GRIK4: variants seen among roughly 807,000 people sequenced by gnomAD.
GRIK4 encodes glutamate ionotropic receptor kainate type subunit 4, also known as glutamate receptor ionotropic, kainate 4.
GRIK4 carries 40 observed loss-of-function variants against 104.9 expected under a neutral mutation model. That is an observed-to-expected ratio of 0.38 (90% CI 0.30 to 0.50). The LOEUF is 0.50. Ranked by LOEUF, GRIK4 falls within the 20% of genes least tolerant of loss-of-function variation. GRIK4 has a pLI of 0.93. For missense variants in GRIK4, 1,047 were observed against 1,308.1 expected, an observed-to-expected ratio of 0.80 and a Z score of 3.08; for synonymous variants, 485 against 524.9, an observed-to-expected ratio of 0.92 and a Z score of 1.04.
intron 1 of GRIK4, among the ~76,000 whole-genome samples, chr11:120,636,630 A>G (rs904579351): frequency 1.3e-5 from 2 of 152,138 alleles, no homozygotes; most frequent in South Asian, 2.1e-4. Flanking sequence ...TCATGAGATC[A>G]GGAGGTCGAG....
chr11:120,826,933 C>T (rs992548912), intron 6 of GRIK4, among the ~76,000 whole-genome samples: 24 of 152,160 alleles, frequency 1.6e-4, no homozygotes, highest in African/African-American at 5.3e-4. Flanking sequence ...CCGACAACCG[C>T]ACACCCTGAG....
chr11:120,811,989 A>G (rs536583528), intron 4 of GRIK4, among the ~76,000 whole-genome samples: 11 of 152,132 alleles, frequency 7.2e-5, no homozygotes, highest in African/African-American at 2.4e-4. Context: ...TTGGGGGCAC[A>G]CTCCGATCTA....
Position 120,524,075 on chromosome 11 carries a change from C to T in GRIK4, c.-159+12188C>T, listed in dbSNP as rs576698884. Among the ~76,000 whole-genome samples, 5 of 152,226 alleles carry T rather than the reference C, an allele frequency of 3.3e-5. No homozygotes were observed. The highest frequency in any genetic ancestry group is 1.2e-4 in the African/African-American group (5 of 41,570). ...CCGAGTAGCTGGGACTACAGGCGCA[C>T]ACCACCATGCCTGGCTAATTTTTTG... On this transcript the variant is annotated intron_variant, in intron 1 of 20. Coordinates refer to ENST00000527524, the MANE Select transcript of GRIK4 (RefSeq NM_014619.5). The surrounding 1 kb of genome is among the most constrained non-coding windows in gnomAD (Gnocchi z 4.5).
intron 1 of GRIK4, among the ~76,000 whole-genome samples, chr11:120,647,236 A>T (rs1949556566): frequency 6.6e-6 from 1 of 152,152 alleles, no homozygotes; most frequent in South Asian, 2.1e-4. Context: ...GTTTGTGGGA[A>T]AATGTCTGTG....
intron 18 of GRIK4, among the ~76,000 whole-genome samples, chr11:120,965,696 G>A (rs1944372420): frequency 6.6e-6 from 1 of 152,210 alleles, no homozygotes; most frequent in South Asian, 2.1e-4. Context: ...AGATGTTCTA[G>A]TTCCTTGCCT....
intron 1 of GRIK4, among the ~76,000 whole-genome samples, chr11:120,586,051 A>G (rs558834030): frequency 6.6e-6 from 1 of 152,322 alleles, no homozygotes; most frequent in East Asian, 1.9e-4. Context: ...GACAGAGGTA[A>G]GAGCTGGAGA....
At chr11:120,743,314 A>T (rs913376907) in intron 3 of GRIK4, among the ~76,000 whole-genome samples, 7 of 152,274 alleles carry the variant, frequency 4.6e-5, no homozygotes, top group African/African-American at 1.7e-4. Context: ...CAGCAAACAA[A>T]TGCAGGAACA....
chr11:120,561,379 C>T (rs1948237051), intron 1 of GRIK4, among the ~76,000 whole-genome samples: 1 of 152,218 alleles, frequency 6.6e-6, no homozygotes, highest in Non-Finnish European at 1.5e-5. Flanking sequence ...TCTCCCTTCT[C>T]TCCTTCATGC....
chr11:120,656,404 T>C (rs147177752), intron 2 of GRIK4, among the ~76,000 whole-genome samples: 215 of 152,356 alleles, frequency 1.4e-3, no homozygotes, highest in African/African-American at 4.7e-3. Flanking sequence ...TGATAAAGAC[T>C]GTGCAAAGAT....
At chr11:120,866,664 G>C (rs1189011327) in intron 9 of GRIK4, among the ~76,000 whole-genome samples, 3 of 152,146 alleles carry the variant, frequency 2.0e-5, no homozygotes, top group African/African-American at 7.2e-5. Context: ...GGGCTGAGCT[G>C]CACCGGCTCA....
intron 3 of GRIK4, among the ~76,000 whole-genome samples, chr11:120,792,317 G>A (rs1005396435): frequency 6.6e-6 from 1 of 151,590 alleles, no homozygotes; most frequent in African/African-American, 2.4e-5. Context: ...AGAGGGATGA[G>A]CAGGGAAGCA....
At chr11:120,742,520 A>ATT (rs566223500) in intron 3 of GRIK4, among the ~76,000 whole-genome samples, 15,505 of 96,038 alleles carry the variant, frequency 0.16, 1,034 homozygotes, top group Middle Eastern at 0.26. Context: ...TATTATTATT[A>ATT]TTATTATTTT....
At position 120,898,517 on chromosome 11, in the gene GRIK4, C is replaced by T. The variant is rs74327962; in HGVS notation, c.1165-15C>T. On this transcript the variant is annotated splice_polypyrimidine_tract_variant and intron_variant, in intron 11 of 20. Coordinates refer to ENST00000527524, the MANE Select transcript of GRIK4 (RefSeq NM_014619.5). ...GCCACCATTTCTTCCCAGTCCTCTCCGTTGGTCTCCTCAGATCGGCCAGTG... is the reference window on the plus strand; with the variant it reads ...GCCACCATTTCTTCCCAGTCCTCTCTGTTGGTCTCCTCAGATCGGCCAGTG... 3.6e-5 allele frequency: 53 copies of T among 1,465,822 alleles called. No individual in the cohort carries two copies. Among genetic ancestry groups the T allele is most frequent in the Non-Finnish European group, 4.6e-5 (48 of 1,044,808 alleles). The allele number at this position is 1,465,822 out of a possible 1,614,324, so 90.8% of individuals were successfully genotyped here.
intron 8 of GRIK4, among the ~76,000 whole-genome samples, chr11:120,856,884 C>T (rs1366339628): frequency 6.6e-6 from 1 of 152,184 alleles, no homozygotes; most frequent in Admixed American, 6.5e-5. Flanking sequence ...AATCCCACCC[C>T]CAGTGATGGG....
chr11:120,589,892 C>G (rs999025690), intron 1 of GRIK4, among the ~76,000 whole-genome samples: 2 of 152,324 alleles, frequency 1.3e-5, no homozygotes, highest in South Asian at 4.1e-4. Flanking sequence ...CCTAGAAGGC[C>G]AGAGCAGGAA....
At position 120,961,214 on chromosome 11, in the gene GRIK4, A is replaced by G. The variant is rs537052868; in HGVS notation, c.2040+140A>G. 16 of 750,424 alleles carry G rather than the reference A, an allele frequency of 2.1e-5. No individual in the cohort carries two copies. In the Admixed American group the frequency reaches 2.5e-4, roughly 12 times the overall value. 46.5% of individuals were successfully genotyped at this position (750,424 alleles called of 1,614,324 possible). ...TAGTTTGGAGGTCCACATGGGGCTC[A>G]TTTATCTGCTGCTCCACAAAATACT... On this transcript the variant is annotated intron_variant, in intron 17 of 20. Transcript: ENST00000527524.
chr11:120,535,540 G>A (rs1361584009), intron 1 of GRIK4, among the ~76,000 whole-genome samples: 1 of 152,026 alleles, frequency 6.6e-6, no homozygotes, highest in Non-Finnish European at 1.5e-5. Context: ...CCTAGAAGTG[G>A]GCATGTAGGA....
At chr11:120,705,846 G>A (rs1950621566) in intron 3 of GRIK4, among the ~76,000 whole-genome samples, 1 of 152,036 alleles carries the variant, frequency 6.6e-6, no homozygotes, top group African/African-American at 2.4e-5. Flanking sequence ...ACTGATTTTG[G>A]CACATTGATC....
rs1367486890 is a variant in GRIK4, at chr11:120,524,358, CT to C, written c.-159+12473del. On this transcript the variant is annotated intron_variant, in intron 1 of 20. Transcript: ENST00000527524. This position sits in a 1 kb window ranked among gnomAD's most constrained non-coding sequence, Gnocchi z 4.5. ...CTGGAGCCCTAGACTAGCAATGAGC[CT>C]TGACTCTGGAAAGCTTGGATGGGCC... 1.3e-5 allele frequency among the ~76,000 whole-genome samples: 2 copies of C among 152,140 alleles called. No homozygotes were observed. The highest frequency in any genetic ancestry group is 4.8e-5 in the African/African-American group (2 of 41,446).
Sources: allele counts gnomAD v4.1 joint callset (sites outside exome capture counted in the v4.1 genomes callset), GRCh38; gene constraint gnomAD v4.1.1; non-coding constraint Gnocchi (gnomAD v3.1); transcripts MANE v1.5; gene names NCBI Gene and HGNC (gene_info 2026-07-23, HGNC 2026-07-21).